The following CCDC192 variants were observed in gnomAD, a reference collection of about 807,000 sequenced individuals.
The protein encoded by CCDC192 is coiled-coil domain containing 192.
intron 6 of CCDC192, among the ~76,000 whole-genome samples, chr5:127,939,908 T>G (rs544721457): frequency 6.6e-6 from 1 of 152,340 alleles, no homozygotes; most frequent in Non-Finnish European, 1.5e-5. Context: ...CATTCATACA[T>G]GCCATAAGCT....
intron 6 of CCDC192, among the ~76,000 whole-genome samples, chr5:127,913,934 T>A (rs1753445708): frequency 6.6e-6 from 1 of 152,212 alleles, no homozygotes; most frequent in Admixed American, 6.5e-5. Flanking sequence ...TAGCTATGCC[T>A]AACAATTTGA....
At chr5:127,783,245 C>T (rs1401618760) in intron 3 of CCDC192, among the ~76,000 whole-genome samples, 9 of 152,236 alleles carry the variant, frequency 5.9e-5, no homozygotes, top group African/African-American at 1.9e-4. Flanking sequence ...CCACCCTCCT[C>T]GGCCTCCCAA....
intron 2 of CCDC192, among the ~76,000 whole-genome samples, chr5:127,710,137 A>T (rs1007976278): frequency 3.3e-5 from 5 of 152,112 alleles, no homozygotes; most frequent in African/African-American, 9.7e-5. Flanking sequence ...TCTGATTTTT[A>T]AAAAAATATT....
intron 6 of CCDC192, among the ~76,000 whole-genome samples, chr5:127,920,407 C>CT (rs11388727): frequency 0.087 from 10,111 of 115,680 alleles, 1,503 homozygotes; most frequent in African/African-American, 0.29. Flanking sequence ...ACTGAAGAGG[C>CT]TTTTTTTTTT....
intron 2 of CCDC192, among the ~76,000 whole-genome samples, chr5:127,745,082 C>A (rs1470467985): frequency 2.0e-5 from 3 of 152,286 alleles, no homozygotes; most frequent in Middle Eastern, 6.8e-3. Context: ...GACTGCCGAG[C>A]CTTTAATCAA....
intron 6 of CCDC192, among the ~76,000 whole-genome samples, chr5:127,910,248 A>G (rs754390115): frequency 1.3e-5 from 2 of 152,214 alleles, no homozygotes; most frequent in Non-Finnish European, 2.9e-5. Context: ...TCCTCTATCA[A>G]CCTTTAAACA....
At chr5:127,932,955 G>T (rs77547408) in intron 6 of CCDC192, among the ~76,000 whole-genome samples, 1,564 of 152,312 alleles carry the variant, frequency 0.01, 13 homozygotes, top group Non-Finnish European at 0.017. Context: ...GTGTGAAGGT[G>T]ACTTTGGAGG....
At chr5:127,703,642 T>A (rs916088440) in intron 1 of CCDC192, 135 bp downstream of exon 1, 4 of 383,178 alleles carry the variant, frequency 1.0e-5, no homozygotes, top group Admixed American at 4.5e-5. Context: ...TATCCTTTCC[T>A]GGAGAGTGAC....
intron 2 of CCDC192, among the ~76,000 whole-genome samples, chr5:127,727,823 A>C (rs1345129027): frequency 6.6e-6 from 1 of 152,180 alleles, no homozygotes; most frequent in Non-Finnish European, 1.5e-5. Context: ...TGTTAACCAG[A>C]ATAACCAGTT....
At chr5:127,849,720 A>C (rs1264548633) in intron 5 of CCDC192, among the ~76,000 whole-genome samples, 2 of 152,254 alleles carry the variant, frequency 1.3e-5, no homozygotes, top group Non-Finnish European at 2.9e-5. Context: ...AGACCAAGGA[A>C]GCAGAAACAA....
chr5:127,921,187 GAA>G (rs1275998383), intron 6 of CCDC192, among the ~76,000 whole-genome samples: 1 of 139,738 alleles, frequency 7.2e-6, no homozygotes, highest in Non-Finnish European at 1.5e-5. Flanking sequence ...AAGAAGGAAG[GAA>G]AGAGAGAGAG....
At chr5:127,706,020 C>T (rs551981528) in intron 1 of CCDC192, among the ~76,000 whole-genome samples, 1 of 152,076 alleles carries the variant, frequency 6.6e-6, no homozygotes, top group Non-Finnish European at 1.5e-5. Context: ...GCAATTACAT[C>T]TCTTAGAGCA....
chr5:127,783,922 A>G (rs1483626024), intron 3 of CCDC192, among the ~76,000 whole-genome samples: 2 of 152,156 alleles, frequency 1.3e-5, no homozygotes, highest in African/African-American at 4.8e-5. Context: ...GTTGCTTTAA[A>G]GTTCATTTTG....
intron 5 of CCDC192, among the ~76,000 whole-genome samples, chr5:127,821,595 C>G (rs1195982885): frequency 6.6e-6 from 1 of 152,188 alleles, no homozygotes; most frequent in Non-Finnish European, 1.5e-5. Flanking sequence ...AATGTTGAAG[C>G]TAAGAGTTTG....
intron 5 of CCDC192, among the ~76,000 whole-genome samples, chr5:127,867,154 G>C (rs1751647003): frequency 6.6e-6 from 1 of 152,120 alleles, no homozygotes; most frequent in Non-Finnish European, 1.5e-5. Context: ...AACTCTAAAG[G>C]TGAATTAAGT....
In CCDC192 at chr5:127,858,916, T is replaced by C. The variant is rs189679918; in HGVS notation, c.412-16622T>C. On this transcript the variant is annotated intron_variant, in intron 5 of 6. Coordinates refer to ENST00000514853, the MANE Select transcript of CCDC192 (RefSeq NM_001317938.2). ...AATCATCATCAAGGGGCTCAAATTA[T>C]TTGACACTTTTGTGTGCTTATAAAA... 1.5e-4 allele frequency among the ~76,000 whole-genome samples: 22 copies of C among 146,988 alleles called. 1 individual carries two copies. The highest frequency in any genetic ancestry group is 2.6e-4 in the Non-Finnish European group (17 of 66,368).
chr5:127,877,448 A>G (rs534732261), intron 6 of CCDC192, among the ~76,000 whole-genome samples: 8 of 152,254 alleles, frequency 5.3e-5, no homozygotes, highest in East Asian at 1.9e-4. Context: ...TGTAAGATCC[A>G]TTATGGATCA....
At chr5:127,773,436 A>G (rs1170350173) in intron 3 of CCDC192, among the ~76,000 whole-genome samples, 1 of 152,140 alleles carries the variant, frequency 6.6e-6, no homozygotes, top group Admixed American at 6.6e-5. Context: ...TACTCCTCAT[A>G]TCCTCTTCCT....
intron 5 of CCDC192, among the ~76,000 whole-genome samples, chr5:127,839,861 C>G (rs1187514552): frequency 6.6e-6 from 1 of 151,914 alleles, no homozygotes; most frequent in Non-Finnish European, 1.5e-5. Context: ...AATACTCCAT[C>G]TTAAGGCAAA....
Sources: allele counts gnomAD v4.1 joint callset (sites outside exome capture counted in the v4.1 genomes callset), GRCh38; gene constraint gnomAD v4.1.1; transcripts MANE v1.5; gene names NCBI Gene and HGNC (gene_info 2026-07-23, HGNC 2026-07-21).